DNAAF11: variants seen among roughly 807,000 people sequenced by gnomAD.
The protein encoded by DNAAF11 is leucine rich repeat containing 6.
Under a neutral mutation model 60.8 loss-of-function variants are expected in DNAAF11, and 45 were observed. The observed-to-expected ratio is 0.74, with a 90% CI of 0.58 to 0.95. DNAAF11 has a LOEUF of 0.95. Among genes scored for constraint, DNAAF11 ranks in the 40% least tolerant of loss-of-function variants. DNAAF11 has a pLI of 0.00. For synonymous variants in DNAAF11, 191 were observed against 183.5 expected (o/e 1.04, Z -0.33); for missense variants, 546 against 546.2 (o/e 1.00, Z 0.00).
At chr8:132,631,906 C>T (rs922381088) in intron 5 of DNAAF11, among the ~76,000 whole-genome samples, 7 of 151,832 alleles carry the variant, frequency 4.6e-5, no homozygotes, top group African/African-American at 1.5e-4. Flanking sequence ...AGGAGATATA[C>T]CTAATGTTAA....
At chr8:132,607,753 ATGT>A (rs1340138871) in intron 10 of DNAAF11, among the ~76,000 whole-genome samples, 7 of 152,274 alleles carry the variant, frequency 4.6e-5, no homozygotes, top group African/African-American at 1.7e-4. Flanking sequence ...AGGTTCATTC[ATGT>A]TGTGGCAAAT....
At position 132,671,376 on chromosome 8, in the gene DNAAF11, T is replaced by C. The variant is rs187417258; in HGVS notation, c.10+4108A>G. On this transcript the variant is annotated intron_variant, in intron 1 of 11. Coordinates refer to ENST00000620350, the MANE Select transcript of DNAAF11 (RefSeq NM_012472.6). ...AAAACTTCAAAAATATTGTAGACAT[T>C]TTGTAATATCTAAATAAATGGAGAT... Among the ~76,000 whole-genome samples, 3 of 152,322 alleles carry C rather than the reference T, an allele frequency of 2.0e-5. No individual in the cohort carries two copies. In the East Asian group the frequency reaches 5.8e-4, roughly 29 times the overall value.
rs1340175165 is a variant in DNAAF11 at position 132,625,458 on chromosome 8, G to A, written c.654-4C>T. On this transcript the variant is annotated splice_region_variant and splice_polypyrimidine_tract_variant and intron_variant, in intron 5 of 11. Coordinates refer to ENST00000620350, the MANE Select transcript of DNAAF11 (RefSeq NM_012472.6). ...GTCTTTGCTCTCTAAAGAGGAACTAGGAAAAACAAATAGAGCACTTAAAAA... is the reference window on the plus strand; with the variant it reads ...GTCTTTGCTCTCTAAAGAGGAACTAAGAAAAACAAATAGAGCACTTAAAAA... 6.3e-7 allele frequency: 1 copy of A among 1,592,614 alleles called. No homozygotes were observed. Among genetic ancestry groups the A allele is most frequent in the Non-Finnish European group, 8.5e-7 (1 of 1,172,002 alleles).
intron 6 of DNAAF11, among the ~76,000 whole-genome samples, chr8:132,623,784 G>A (rs1293398446): frequency 1.3e-5 from 2 of 152,144 alleles, no homozygotes; most frequent in African/African-American, 2.4e-5. Context: ...ATCCAATGGA[G>A]TTAATATTTC....
chr8:132,671,031 GA>G (rs987445763), intron 1 of DNAAF11, among the ~76,000 whole-genome samples: 3 of 151,986 alleles, frequency 2.0e-5, no homozygotes, highest in Non-Finnish European at 1.5e-5. Flanking sequence ...GTAAGAATCA[GA>G]AAAAAAGGCC....
At chr8:132,688,633 C>A in the DNAAF11 span, among the ~76,000 whole-genome samples, 4 of 152,134 alleles carry the variant, frequency 2.6e-5, no homozygotes, top group Admixed American at 2.0e-4. Context: ...AGGTTGTTGG[C>A]AGCTCTCTGA....
At chr8:132,658,461 T>C (rs865865302) in intron 2 of DNAAF11, among the ~76,000 whole-genome samples, 39 of 152,284 alleles carry the variant, frequency 2.6e-4, no homozygotes, top group Middle Eastern at 3.4e-3. Flanking sequence ...TAGCTGGGAC[T>C]ACAGGCGCCC....
intron 9 of DNAAF11, 23 bp from the exon 10 acceptor site, chr8:132,610,284 T>A: frequency 6.6e-7 from 1 of 1,525,916 alleles, no homozygotes; most frequent in Non-Finnish European, 9.1e-7. Context: ...AGAAAGAAAG[T>A]ATCATTGAGA....
At chr8:132,633,418 T>C (rs377233732) in intron 4 of DNAAF11, among the ~76,000 whole-genome samples, 3 of 152,198 alleles carry the variant, frequency 2.0e-5, no homozygotes, top group Admixed American at 1.3e-4. Context: ...AGATAGGCTA[T>C]TGTTACAGCA....
the DNAAF11 span, among the ~76,000 whole-genome samples, chr8:132,690,314 G>T: frequency 1.3e-5 from 2 of 152,068 alleles, no homozygotes; most frequent in Non-Finnish European, 2.9e-5. Flanking sequence ...TCGTGATACT[G>T]AGTTCTCATG....
chr8:132,649,366 T>C (rs550881998), intron 3 of DNAAF11, among the ~76,000 whole-genome samples: 266 of 152,236 alleles, frequency 1.7e-3, no homozygotes, highest in African/African-American at 6.3e-3. Flanking sequence ...AAAAATTAAT[T>C]TGAGATGGAT....
chr8:132,687,762 A>G, the DNAAF11 span: 10 of 448,364 alleles, frequency 2.2e-5, no homozygotes, highest in Admixed American at 7.2e-5. Flanking sequence ...TCATGCTTTC[A>G]ATCACTAAAT....
chr8:132,688,895 C>G, the DNAAF11 span, among the ~76,000 whole-genome samples: 1 of 152,072 alleles, frequency 6.6e-6, no homozygotes, highest in Non-Finnish European at 1.5e-5. Context: ...TTAAAAATAC[C>G]GTTTAAAAGA....
At chr8:132,613,805 G>A (rs1009946268) in intron 8 of DNAAF11, among the ~76,000 whole-genome samples, 1 of 152,078 alleles carries the variant, frequency 6.6e-6, no homozygotes, top group African/African-American at 2.4e-5. Context: ...ACCCCCTCTT[G>A]GGTAATAATC....
At chr8:132,633,669 A>G (rs1338388069) in intron 4 of DNAAF11, among the ~76,000 whole-genome samples, 1 of 152,134 alleles carries the variant, frequency 6.6e-6, no homozygotes. Flanking sequence ...GGGGCTTTAC[A>G]GGTGTGATTA....
chr8:132,623,996 A>C (rs1172326178), intron 6 of DNAAF11, among the ~76,000 whole-genome samples: 1 of 152,174 alleles, frequency 6.6e-6, no homozygotes, highest in African/African-American at 2.4e-5. Context: ...AGTGACTCAG[A>C]TCTCCATCCA....
At chr8:132,669,508 T>C (rs144114089) in intron 1 of DNAAF11, among the ~76,000 whole-genome samples, 2 of 152,314 alleles carry the variant, frequency 1.3e-5, no homozygotes, top group East Asian at 3.9e-4. Flanking sequence ...GACAATTATA[T>C]TGTATTGTAT....
intron 5 of DNAAF11, among the ~76,000 whole-genome samples, chr8:132,626,089 G>T (rs927212514): frequency 2.0e-5 from 3 of 149,946 alleles, no homozygotes; most frequent in Non-Finnish European, 4.4e-5. Flanking sequence ...TCCCTCTGTC[G>T]CCCAGGCTGG....
At chr8:132,624,402 G>GACTGTGTAGTCC (rs1156632486) in intron 6 of DNAAF11, among the ~76,000 whole-genome samples, 1 of 152,166 alleles carries the variant, frequency 6.6e-6, no homozygotes, top group Non-Finnish European at 1.5e-5. Flanking sequence ...CTTCCCAAAG[G>GACTGTGTAGTCC]ACTGTGTAGT....
Sources: gnomAD v4.1 joint callset for allele counts (sites outside exome capture counted in the v4.1 genomes callset) on GRCh38, gnomAD v4.1.1 for gene constraint, MANE v1.5 for transcripts, NCBI Gene and HGNC (gene_info 2026-07-23, HGNC 2026-07-21) for gene names.